GABRB1: variants seen among roughly 807,000 people sequenced by gnomAD.
The protein encoded by GABRB1 is gamma-aminobutyric acid type A receptor subunit beta1.
Under a neutral mutation model 51.6 loss-of-function variants are expected in GABRB1, and 17 were observed. The observed-to-expected ratio is 0.33, with a 90% confidence interval of 0.23 to 0.49. The LOEUF (loss-of-function observed/expected upper bound fraction) is 0.49, where lower values mean the gene tolerates loss of function less well. GABRB1 is among the 20% of genes least tolerant of loss of function. The pLI is 0.99. For missense variants in GABRB1, 410 were observed against 600.6 expected, an observed-to-expected ratio of 0.68 and a Z score of 3.32; for synonymous variants, 247 against 218.9, an observed-to-expected ratio of 1.13 and a Z score of -1.14.
intron 4 of GABRB1, among the ~76,000 whole-genome samples, chr4:47,211,850 C>T (rs1332269267): frequency 6.6e-6 from 1 of 152,170 alleles, no homozygotes; most frequent in African/African-American, 2.4e-5. Context: ...CACTTTTTCT[C>T]ACCTGATTCC....
chr4:47,279,703 T>C (rs1723206487), intron 4 of GABRB1, among the ~76,000 whole-genome samples: 1 of 152,088 alleles, frequency 6.6e-6, no homozygotes, highest in Non-Finnish European at 1.5e-5. Flanking sequence ...AATAAATCTA[T>C]TTTGCTTATA....
intron 5 of GABRB1, among the ~76,000 whole-genome samples, chr4:47,361,846 G>A (rs1726816820): frequency 6.6e-6 from 1 of 152,128 alleles, no homozygotes; most frequent in Non-Finnish European, 1.5e-5. Context: ...AACTTGAGGT[G>A]GCTTTAAGTC....
chr4:47,247,673 C>T (rs1049062388), intron 4 of GABRB1, among the ~76,000 whole-genome samples: 9 of 150,992 alleles, frequency 6.0e-5, no homozygotes, highest in African/African-American at 1.7e-4. Flanking sequence ...TGTTTCCGTT[C>T]GTGTCATCTA....
At chr4:47,214,271 CT>C (rs1720473103) in intron 4 of GABRB1, among the ~76,000 whole-genome samples, 1 of 152,190 alleles carries the variant, frequency 6.6e-6, no homozygotes, top group African/African-American at 2.4e-5. Context: ...GTGGGACTCC[CT>C]TTGTTTACAG....
At chr4:47,242,369 C>G (rs1283514843) in intron 4 of GABRB1, among the ~76,000 whole-genome samples, 1 of 152,148 alleles carries the variant, frequency 6.6e-6, no homozygotes, top group Non-Finnish European at 1.5e-5. Flanking sequence ...GTCTTTATAG[C>G]AGCATGATTT....
At chr4:47,205,155 T>A (rs1720063018) in intron 4 of GABRB1, among the ~76,000 whole-genome samples, 1 of 152,172 alleles carries the variant, frequency 6.6e-6, no homozygotes, top group African/African-American at 2.4e-5. Flanking sequence ...CTTCTAATTC[T>A]AAGGCTTAAC....
At chr4:47,271,824 G>A (rs1289057597) in intron 4 of GABRB1, among the ~76,000 whole-genome samples, 2 of 152,272 alleles carry the variant, frequency 1.3e-5, no homozygotes, top group East Asian at 3.9e-4. Context: ...GTAAAATTCA[G>A]CCTGCCTCAT....
At chr4:47,335,129 A>G (rs1182726571) in intron 5 of GABRB1, among the ~76,000 whole-genome samples, 3 of 152,162 alleles carry the variant, frequency 2.0e-5, no homozygotes, top group Non-Finnish European at 4.4e-5. Context: ...TAATCGTTTT[A>G]GCATGAATTG....
At chr4:47,236,218 T>C (rs1721328154) in intron 4 of GABRB1, among the ~76,000 whole-genome samples, 1 of 152,160 alleles carries the variant, frequency 6.6e-6, no homozygotes, top group African/African-American at 2.4e-5. Flanking sequence ...GAAAGCTTTG[T>C]TAATTCAAGC....
At chr4:47,414,669 T>G (rs1415340629) in intron 8 of GABRB1, among the ~76,000 whole-genome samples, 1 of 152,188 alleles carries the variant, frequency 6.6e-6, no homozygotes, top group African/African-American at 2.4e-5. Context: ...TTTTTTTCCC[T>G]CTTAAAATCA....
At chr4:47,216,770 A>T (rs1207891605) in intron 4 of GABRB1, among the ~76,000 whole-genome samples, 2 of 151,952 alleles carry the variant, frequency 1.3e-5, no homozygotes, top group African/African-American at 4.8e-5. Context: ...TGCATAGCGA[A>T]GTGGTACAGC....
At chr4:47,097,147 C>T (rs1031928780) in intron 3 of GABRB1, among the ~76,000 whole-genome samples, 3 of 152,180 alleles carry the variant, frequency 2.0e-5, no homozygotes, top group Non-Finnish European at 2.9e-5. Context: ...CAAGTGCCTT[C>T]CTACCTCTCT....
intron 4 of GABRB1, among the ~76,000 whole-genome samples, chr4:47,250,277 C>T (rs1337205506): frequency 6.6e-6 from 1 of 152,102 alleles, no homozygotes; most frequent in Non-Finnish European, 1.5e-5. Flanking sequence ...TGAAGATAGA[C>T]CCCCAATCCC....
At position 47,100,944 on chromosome 4, in the gene GABRB1, G is replaced by A. The variant is rs561646926; in HGVS notation, c.241-60305G>A. ...AAGAACATAACATGTCAAGGAGATAGGCAAATAGGACAGTATGTTGTCTAT... is the reference window on the plus strand; with the variant it reads ...AAGAACATAACATGTCAAGGAGATAAGCAAATAGGACAGTATGTTGTCTAT... On this transcript the variant is annotated intron_variant, in intron 3 of 8. Coordinates refer to ENST00000295454, the MANE Select transcript of GABRB1 (RefSeq NM_000812.4). Among the ~76,000 whole-genome samples the A allele has an allele frequency of 1.6e-4, 25 of 152,082 alleles. No individual in the cohort carries two copies. In the South Asian group the frequency reaches 1.7e-3, roughly 10 times the overall value.
chr4:47,306,636 T>G (rs1319349790), intron 4 of GABRB1, among the ~76,000 whole-genome samples: 2 of 152,142 alleles, frequency 1.3e-5, no homozygotes, highest in East Asian at 3.8e-4. Context: ...AATGTGTACA[T>G]TTTTAAAAAT....
chr4:47,092,646 C>G (rs902037031), intron 3 of GABRB1, among the ~76,000 whole-genome samples: 6 of 151,692 alleles, frequency 4.0e-5, no homozygotes, highest in Non-Finnish European at 7.4e-5. Context: ...ACTCTGTCGC[C>G]CAGGTTGGAG....
chr4:47,219,395 A>G (rs574401855), intron 4 of GABRB1, among the ~76,000 whole-genome samples: 39 of 152,014 alleles, frequency 2.6e-4, no homozygotes, highest in African/African-American at 8.7e-4. Flanking sequence ...TAGGTACTCC[A>G]CAAGTGTATG....
chr4:46,994,632 C>T (rs944716554), intron 1 of GABRB1, among the ~76,000 whole-genome samples: 2 of 152,044 alleles, frequency 1.3e-5, no homozygotes, highest in Non-Finnish European at 2.9e-5. Context: ...CACTAAGCTC[C>T]ATATCTTTAC....
chr4:47,083,429 G>A (rs982565486), intron 3 of GABRB1, among the ~76,000 whole-genome samples: 1 of 152,146 alleles, frequency 6.6e-6, no homozygotes, highest in African/African-American at 2.4e-5. Flanking sequence ...GCGACTTACA[G>A]ATTTTCATGT....
Sources: gnomAD v4.1 joint callset for allele counts (sites outside exome capture counted in the v4.1 genomes callset) on GRCh38, gnomAD v4.1.1 for gene constraint, MANE v1.5 for transcripts, NCBI Gene and HGNC (gene_info 2026-07-23, HGNC 2026-07-21) for gene names.